ATXN3: variants seen among roughly 807,000 people sequenced by gnomAD.
ATXN3 encodes ataxin 3, also known as ataxin-3.
Under a neutral mutation model 58.2 loss-of-function variants are expected in ATXN3, and 28 were observed. The observed-to-expected ratio is 0.48, with a 90% CI of 0.36 to 0.66. The LOEUF (loss-of-function observed/expected upper bound fraction) is 0.66. ATXN3 is among the 30% of genes least tolerant of loss of function. The pLI, the probability that ATXN3 is intolerant of heterozygous loss-of-function variation, is 0.00. For missense variants in ATXN3, 321 were observed against 422.1 expected, an observed-to-expected ratio of 0.76 and a Z score of 2.10; for synonymous variants, 113 against 138.5, an observed-to-expected ratio of 0.82 and a Z score of 1.29.
chr14:92,060,072 T>C lies in ATXN3; in HGVS notation c.*4248A>G, dbSNP rs1409883536. On this transcript the variant is annotated 3_prime_UTR_variant, in exon 11 of 11. Transcript: ENST00000644486. ...CACCATACCTGGCTTAAGTTTTGTA[T>C]TTTTAGTAGAGATGGGGTTTCACCA... is the stretch of plus-strand genomic sequence containing the variant. 2.7e-5 allele frequency: 4 copies of C among 150,516 alleles called. No individual in the cohort carries two copies. The highest frequency in any genetic ancestry group is 9.7e-5 in the African/African-American group (4 of 41,240). 9.3% of individuals were successfully genotyped at this position (150,516 alleles called of 1,614,324 possible). A position where few individuals can be genotyped will look rare whatever the true frequency, so the allele number is the denominator to read the frequency against.
chr14:92,052,745 A>C (rs946700905), upstream of ATXN3, among the ~76,000 whole-genome samples: 4 of 152,126 alleles, frequency 2.6e-5, no homozygotes, highest in African/African-American at 9.7e-5. Flanking sequence ...GTGCCCAGAG[A>C]GCTGAAATGC....
In ATXN3 at chr14:92,063,635, T is replaced by C. The variant is rs529386181; in HGVS notation, c.*685A>G. ...TACTTGTGCAAGGCTGATTTCAGAG[T>C]TTAGGAACGCACCAGTCATGAAATA... On this transcript the variant is annotated 3_prime_UTR_variant, in exon 11 of 11. Transcript: ENST00000644486. 2.0e-5 allele frequency: 3 copies of C among 152,252 alleles called. No homozygotes were observed. The South Asian group carries it at 6.2e-4, about 32-fold the overall frequency. The allele number at this position is 152,252 out of a possible 1,614,324, so 9.4% of individuals were successfully genotyped here.
intron 9 of ATXN3, among the ~76,000 whole-genome samples, chr14:92,076,772 T>G (rs2060466288): frequency 2.6e-5 from 4 of 151,700 alleles, no homozygotes; most frequent in Non-Finnish European, 4.4e-5. Context: ...AAACCCCATG[T>G]CTACAAAAGA....
chr14:92,091,122 C>T (rs2063691527), intron 5 of ATXN3, among the ~76,000 whole-genome samples: 1 of 151,978 alleles, frequency 6.6e-6, no homozygotes, highest in South Asian at 2.1e-4. Context: ...ATCTCCTTAA[C>T]TTGCTCTTGG....
At chr14:92,073,661 A>AC (rs1429169301) in intron 9 of ATXN3, 1 of 152,180 alleles carries the variant, frequency 6.6e-6, no homozygotes, top group East Asian at 1.9e-4. Flanking sequence ...ACATGGTGAA[A>AC]CCCCATCTCT....
intron 1 of ATXN3, among the ~76,000 whole-genome samples, chr14:92,105,638 G>A (rs1400542502): frequency 6.6e-6 from 1 of 152,140 alleles, no homozygotes. Flanking sequence ...ATGATACCAT[G>A]TGCCAAAGCT....
intron 9 of ATXN3, among the ~76,000 whole-genome samples, chr14:92,072,281 C>T (rs2059579615): frequency 6.6e-6 from 1 of 151,932 alleles, no homozygotes; most frequent in Admixed American, 6.6e-5. Flanking sequence ...CATATTATTC[C>T]CAAATGGTTC....
intron 9 of ATXN3, among the ~76,000 whole-genome samples, chr14:92,079,215 G>T (rs1268269601): frequency 6.7e-6 from 1 of 149,476 alleles, no homozygotes; most frequent in Non-Finnish European, 1.5e-5. Context: ...AGCAAGATTG[G>T]CCGTGTGCTA....
intron 2 of ATXN3, chr14:92,096,346 C>T (rs1037837975): frequency 1.2e-5 from 17 of 1,427,852 alleles, no homozygotes; most frequent in East Asian, 2.5e-5. Flanking sequence ...AAATGTAAGC[C>T]GGGTGTGGTG....
chr14:92,054,353 G>A (rs897200279), downstream of ATXN3, among the ~76,000 whole-genome samples: 2 of 152,096 alleles, frequency 1.3e-5, no homozygotes, highest in Admixed American at 6.5e-5. Flanking sequence ...CAAAATACAG[G>A]TCATAAAGTC....
rs912529320 is a variant in ATXN3, at chr14:92,093,147, C to T, written c.387+105G>A. On this transcript the variant is annotated intron_variant, in intron 5 of 10. Coordinates refer to ENST00000644486, the MANE Select transcript of ATXN3 (RefSeq NM_004993.6). ...CTGGCTTCAAGTGATCCCCCCACCT[C>T]AGCCTCCCAAACTGTTGGCATGAGC... is the stretch of plus-strand genomic sequence containing the variant. The T allele has an allele frequency of 1.0e-5, 7 of 676,742 alleles. No individual in the cohort carries two copies. In the African/African-American group the frequency reaches 1.3e-4, roughly 13 times the overall value. The allele number at this position is 676,742 out of a possible 1,614,324, so 41.9% of individuals were successfully genotyped here.
intron 9 of ATXN3, among the ~76,000 whole-genome samples, chr14:92,071,949 G>A (rs1430548803): frequency 2.0e-5 from 3 of 152,140 alleles, no homozygotes; most frequent in Non-Finnish European, 4.4e-5. Flanking sequence ...TTTATGGCAT[G>A]TAAGCTAATG....
At chr14:92,065,848 T>C (rs1272640559) in intron 10 of ATXN3, among the ~76,000 whole-genome samples, 1 of 151,994 alleles carries the variant, frequency 6.6e-6, no homozygotes, top group Non-Finnish European at 1.5e-5. Flanking sequence ...GCCACTGCAC[T>C]CCAGCCTCAG....
downstream of ATXN3, among the ~76,000 whole-genome samples, chr14:92,058,079 A>G (rs1198534464): frequency 6.6e-6 from 1 of 152,186 alleles, no homozygotes; most frequent in Non-Finnish European, 1.5e-5. Flanking sequence ...CTTGGAAAAG[A>G]CTGAGGATCC....
chr14:92,083,283 C>T, intron 6 of ATXN3, 25 bp from the exon 7 acceptor site: 1 of 1,587,852 alleles, frequency 6.3e-7, no homozygotes. Flanking sequence ...CAAAAATCAA[C>T]CTAACCAGTT....
chr14:92,052,597 C>T (rs922825193), upstream of ATXN3, among the ~76,000 whole-genome samples: 2 of 152,264 alleles, frequency 1.3e-5, no homozygotes, highest in Admixed American at 1.3e-4. Flanking sequence ...AGTAATTGAG[C>T]CTCCACTTTT....
Position 92,083,271 on chromosome 14 carries a change from G to T in ATXN3, c.476-13C>A. Reference sequence around the variant, plus strand: ...AATATAGAATAACCTAAAAAAAAAAGGCAAAAATCAACCTAACCAGTTAGT... The same window carrying T: ...AATATAGAATAACCTAAAAAAAAAATGCAAAAATCAACCTAACCAGTTAGT... On this transcript the variant is annotated splice_polypyrimidine_tract_variant and intron_variant, in intron 6 of 10. Transcript: ENST00000644486. 6.3e-7 allele frequency: 1 copy of T among 1,586,874 alleles called. No individual in the cohort carries two copies.
At chr14:92,072,455 T>C (rs543416541) in intron 9 of ATXN3, among the ~76,000 whole-genome samples, 3 of 152,236 alleles carry the variant, frequency 2.0e-5, no homozygotes, top group Non-Finnish European at 2.9e-5. Flanking sequence ...AACATGATAC[T>C]CAAAAGAGGT....
chr14:92,095,459 G>A (rs533551674), intron 3 of ATXN3, among the ~76,000 whole-genome samples: 3 of 147,066 alleles, frequency 2.0e-5, no homozygotes, highest in South Asian at 2.2e-4. Context: ...AGCCAGGATG[G>A]TCTCAATCTC....
Sources: gnomAD v4.1 joint callset for allele counts (sites outside exome capture counted in the v4.1 genomes callset) on GRCh38, gnomAD v4.1.1 for gene constraint, MANE v1.5 for transcripts, NCBI Gene and HGNC (gene_info 2026-07-23, HGNC 2026-07-21) for gene names.